Variants in TPTE2 observed in about 807,000 individuals in gnomAD.
TPTE2 encodes phosphatidylinositol 3,4,5-trisphosphate 3-phosphatase TPTE2.
TPTE2 carries 53 observed loss-of-function variants against 78.6 expected under a neutral mutation model. The ratio of observed to expected loss-of-function variants is 0.67; its 90% CI spans 0.54 to 0.85. The LOEUF is 0.85. Among genes scored for constraint, TPTE2 ranks in the 40% least tolerant of loss-of-function variants. TPTE2 has a pLI of 0.00. For synonymous variants in TPTE2, 175 were observed against 206.2 expected, an observed-to-expected ratio of 0.85 and a Z score of 1.30; for missense variants, 461 against 623.0, an observed-to-expected ratio of 0.74 and a Z score of 2.77.
At chr13:19,451,322 G>C (rs1010624870) in intron 10 of TPTE2, 97 bp from the exon 14 acceptor site, 1 of 1,465,640 alleles carries the variant, frequency 6.8e-7, no homozygotes, top group African/African-American at 1.4e-5. Context: ...TTATTAATTT[G>C]TCTCTCACTA....
chr13:19,500,782 T>C (rs1412837165), intron 1 of TPTE2, among the ~76,000 whole-genome samples: 3 of 148,308 alleles, frequency 2.0e-5, no homozygotes, highest in African/African-American at 7.5e-5. Context: ...TTCAACATAG[T>C]GTTGGAAGTT....
At chr13:19,468,110 G>A (rs1487538576) in intron 6 of TPTE2, among the ~76,000 whole-genome samples, 2 of 120,178 alleles carry the variant, frequency 1.7e-5, no homozygotes, top group East Asian at 2.6e-4. Flanking sequence ...GCGTGATCTC[G>A]GCTCACTGCA....
chr13:19,460,219 A>G (rs1327832475), intron 10 of TPTE2, among the ~76,000 whole-genome samples: 1 of 152,172 alleles, frequency 6.6e-6, no homozygotes, highest in African/African-American at 2.4e-5. Flanking sequence ...GGATCTCTTG[A>G]TCCATGGCTT....
At chr13:19,443,397 C>CTTTTTTTTTTTTTTTTTTTTCTTTTT (rs71092357) in intron 13 of TPTE2, among the ~76,000 whole-genome samples, 1 of 129,914 alleles carries the variant, frequency 7.7e-6, no homozygotes, top group Non-Finnish European at 1.6e-5. Context: ...TTCTTTCTTT[C>CTTTTTTTTTTTTTTTTTTTTCTTTTT]TTTTTTTTTT....
At chr13:19,553,472 C>G in the TPTE2 span, among the ~76,000 whole-genome samples, 12 of 152,028 alleles carry the variant, frequency 7.9e-5, no homozygotes, top group Non-Finnish European at 1.5e-4. Flanking sequence ...CATGTCCACA[C>G]AAAGATTTGT....
At chr13:19,427,612 G>T (rs550960414) in intron 17 of TPTE2, among the ~76,000 whole-genome samples, 28 of 152,236 alleles carry the variant, frequency 1.8e-4, no homozygotes, top group African/African-American at 6.5e-4. Context: ...AACAACAGGG[G>T]TCTGTAACAC....
exon 11 of TPTE2, chr13:19,451,174 T>C: frequency 6.2e-7 from 1 of 1,613,464 alleles, no homozygotes; most frequent in Non-Finnish European, 8.5e-7. Context: ...CTGCATAGAT[T>C]GTAGACTCGA....
At chr13:19,543,414 CGATGG>C in the TPTE2 span, among the ~76,000 whole-genome samples, 1 of 145,674 alleles carries the variant, frequency 6.9e-6, no homozygotes, top group Non-Finnish European at 1.5e-5. Flanking sequence ...GGCTAGAGTG[CGATGG>C]GCCATCTAGG....
chr13:19,494,023 G>C (rs1287653386), intron 1 of TPTE2, among the ~76,000 whole-genome samples: 1 of 152,154 alleles, frequency 6.6e-6, no homozygotes, highest in East Asian at 1.9e-4. Flanking sequence ...CACCTCCAAG[G>C]CTCTTAGCTC....
At chr13:19,455,101 AT>A (rs1878459031) in intron 10 of TPTE2, among the ~76,000 whole-genome samples, 1 of 152,200 alleles carries the variant, frequency 6.6e-6, no homozygotes, top group South Asian at 2.1e-4. Flanking sequence ...AATTTTCAAA[AT>A]TGGCCAAGGG....
At chr13:19,427,284 C>T (rs1876199836) in intron 17 of TPTE2, among the ~76,000 whole-genome samples, 1 of 151,158 alleles carries the variant, frequency 6.6e-6, no homozygotes, top group Non-Finnish European at 1.5e-5. Flanking sequence ...GGGGTTTCAC[C>T]ATGTTGGCCA....
At chr13:19,515,098 G>C (rs1248060559) in intron 1 of TPTE2, among the ~76,000 whole-genome samples, 3 of 152,142 alleles carry the variant, frequency 2.0e-5, no homozygotes, top group Admixed American at 6.6e-5. Context: ...GTGGCAATAT[G>C]AACATACATA....
At chr13:19,507,067 G>A (rs140545608), upstream of TPTE2, among the ~76,000 whole-genome samples, 10 of 152,106 alleles carry the variant, frequency 6.6e-5, no homozygotes, top group East Asian at 1.9e-4. Context: ...TAACATTTGC[G>A]TGTATCTTTA....
At chr13:19,451,266 C>T (rs2497236) in intron 10 of TPTE2, 41 bp from the exon 14 acceptor site, 191,839 of 1,610,588 alleles carry the variant, frequency 0.12, 12,068 homozygotes, top group African/African-American at 0.18. Context: ...TTACATGGCA[C>T]CAACACAAGC....
chr13:19,559,376 G>A, the TPTE2 span, among the ~76,000 whole-genome samples: 33 of 152,112 alleles, frequency 2.2e-4, no homozygotes, highest in Non-Finnish European at 4.4e-4. Context: ...ATGTCTCTGC[G>A]CCTCCCTGGC....
the TPTE2 span, among the ~76,000 whole-genome samples, chr13:19,549,397 G>A: frequency 6.6e-6 from 1 of 152,142 alleles, no homozygotes. Flanking sequence ...GCAAACATAT[G>A]AAAAATGCTC....
intron 1 of TPTE2, among the ~76,000 whole-genome samples, chr13:19,500,760 T>C (rs1470742496): frequency 8.7e-5 from 13 of 148,746 alleles, no homozygotes; most frequent in Admixed American, 8.0e-4. Context: ...ATGCCCTCTC[T>C]CACCACTCCT....
At chr13:19,426,621 C>T (rs1490007876) in intron 17 of TPTE2, 104 bp from the exon 21 acceptor site, 2 of 663,828 alleles carry the variant, frequency 3.0e-6, no homozygotes, top group East Asian at 2.7e-5. Flanking sequence ...TACTTTTGCT[C>T]TCACAGCCCA....
upstream of TPTE2, among the ~76,000 whole-genome samples, chr13:19,503,522 G>T (rs1336954204): frequency 6.6e-6 from 1 of 152,176 alleles, no homozygotes; most frequent in Non-Finnish European, 1.5e-5. Flanking sequence ...TCTTTATTAT[G>T]ACCTCAGTCC....
Sources: gnomAD v4.1 joint callset for allele counts (sites outside exome capture counted in the v4.1 genomes callset) on GRCh38, gnomAD v4.1.1 for gene constraint, MANE v1.5 for transcripts, NCBI Gene and HGNC (gene_info 2026-07-23, HGNC 2026-07-21) for gene names.